The following UBE2E3 variants were observed in gnomAD, a reference collection of about 807,000 sequenced individuals.
UBE2E3 encodes ubiquitin-conjugating enzyme E2 E3.
In UBE2E3, 5 loss-of-function variants were observed where a neutral mutation model predicts 23.6. That is an observed-to-expected ratio of 0.21 (90% CI 0.11 to 0.44). The LOEUF (loss-of-function observed/expected upper bound fraction) is 0.44, where lower values mean the gene tolerates loss of function less well. UBE2E3 is among the 20% of genes least tolerant of loss of function. The pLI, the probability that UBE2E3 is intolerant of heterozygous loss-of-function variation, is 0.99. For missense variants in UBE2E3, 81 were observed against 249.8 expected (o/e 0.32, Z 4.55); for synonymous variants, 78 against 87.5 (o/e 0.89, Z 0.60).
At chr2:181,034,598 G>A (rs10930948) in intron 3 of UBE2E3, among the ~76,000 whole-genome samples, 117,805 of 152,026 alleles carry the variant, frequency 0.77, 45,930 homozygotes, top group East Asian at 0.91. Flanking sequence ...AATGGGTGCA[G>A]CACACCAACA....
At chr2:180,985,843 G>C (rs1684448787) in intron 3 of UBE2E3, among the ~76,000 whole-genome samples, 1 of 152,118 alleles carries the variant, frequency 6.6e-6, no homozygotes, top group South Asian at 2.1e-4. Flanking sequence ...TAATGTACGT[G>C]CATAAATCTA....
chr2:181,006,747 A>G (rs1458714691), intron 3 of UBE2E3, among the ~76,000 whole-genome samples: 2 of 152,172 alleles, frequency 1.3e-5, no homozygotes, highest in Admixed American at 1.3e-4. Context: ...TCCTTTCATC[A>G]TAAAGCAACC....
intron 3 of UBE2E3, among the ~76,000 whole-genome samples, chr2:181,012,062 T>C (rs1327245669): frequency 6.6e-6 from 1 of 152,124 alleles, no homozygotes. Context: ...TGCTCAGTTA[T>C]TAGGTTGGAA....
intron 3 of UBE2E3, among the ~76,000 whole-genome samples, chr2:181,018,012 C>T (rs1285826447): frequency 7.9e-5 from 12 of 151,616 alleles, no homozygotes; most frequent in Admixed American, 7.9e-4. Flanking sequence ...TCTCTTTCTA[C>T]CTAGAAGACC....
chr2:180,987,538 G>T, intron 3 of UBE2E3: 1 of 988,790 alleles, frequency 1.0e-6, no homozygotes, highest in Non-Finnish European at 1.4e-6. Flanking sequence ...ATAGTTTCTT[G>T]ATGTGGGAAA....
At chr2:181,030,794 T>C (rs1255600828) in intron 3 of UBE2E3, among the ~76,000 whole-genome samples, 2 of 152,126 alleles carry the variant, frequency 1.3e-5, no homozygotes, top group Non-Finnish European at 2.9e-5. Flanking sequence ...TTTTAGTAGG[T>C]TGAATTTTTC....
chr2:181,041,536 C>T (rs12473091), intron 3 of UBE2E3, among the ~76,000 whole-genome samples: 125,187 of 151,604 alleles, frequency 0.83, 51,855 homozygotes, highest in East Asian at 0.9. Flanking sequence ...CCTCCCAGGT[C>T]CAAGCAATTC....
At chr2:181,034,971 G>T (rs185933296) in intron 3 of UBE2E3, among the ~76,000 whole-genome samples, 211 of 152,248 alleles carry the variant, frequency 1.4e-3, no homozygotes, top group African/African-American at 4.4e-3. Context: ...AACTATTAGA[G>T]AAAGGGGAAA....
intron 3 of UBE2E3, among the ~76,000 whole-genome samples, chr2:181,000,509 CCT>C (rs1259915449): frequency 6.6e-6 from 1 of 151,918 alleles, no homozygotes; most frequent in Non-Finnish European, 1.5e-5. Context: ...AATGGTATCC[CCT>C]GAGTTGTATA....
intron 3 of UBE2E3, among the ~76,000 whole-genome samples, chr2:181,023,946 C>T (rs1685790449): frequency 6.6e-6 from 1 of 152,042 alleles, no homozygotes; most frequent in Admixed American, 6.6e-5. Flanking sequence ...TTTATTTCTC[C>T]CTACTCCTTA....
chr2:180,984,168 G>T, intron 3 of UBE2E3, 75 bp downstream of exon 3: 1 of 1,321,046 alleles, frequency 7.6e-7, no homozygotes, highest in Non-Finnish European at 1.1e-6. Context: ...GTCTGGATAT[G>T]TGTGCAGCAG....
chr2:181,001,054 G>A (rs544556657), intron 3 of UBE2E3, among the ~76,000 whole-genome samples: 1 of 152,180 alleles, frequency 6.6e-6, no homozygotes, highest in Non-Finnish European at 1.5e-5. Context: ...ATGACACACT[G>A]ACTCTTAAAG....
intron 3 of UBE2E3, 46 bp from the exon 4 acceptor site, chr2:181,057,647 C>G: frequency 2.1e-6 from 3 of 1,462,902 alleles, no homozygotes; most frequent in Non-Finnish European, 2.8e-6. Flanking sequence ...TATTAACATT[C>G]ATTGCTAATA....
chr2:181,031,309 C>T (rs1574201248), intron 3 of UBE2E3, among the ~76,000 whole-genome samples: 1 of 152,062 alleles, frequency 6.6e-6, no homozygotes, highest in South Asian at 2.1e-4. Flanking sequence ...TTCATTTTTT[C>T]CCTCTGGTTG....
At chr2:180,990,383 G>A (rs1188190023) in intron 3 of UBE2E3, among the ~76,000 whole-genome samples, 1 of 152,126 alleles carries the variant, frequency 6.6e-6, no homozygotes, top group Non-Finnish European at 1.5e-5. Flanking sequence ...ATAGATATTT[G>A]TTCCTGTACT....
At chr2:181,002,011 G>A (rs1685004772) in intron 3 of UBE2E3, among the ~76,000 whole-genome samples, 1 of 152,282 alleles carries the variant, frequency 6.6e-6, no homozygotes, top group Non-Finnish European at 1.5e-5. Flanking sequence ...TGCATATGGA[G>A]ATTGAAGGGC....
intron 3 of UBE2E3, among the ~76,000 whole-genome samples, chr2:181,001,972 T>G (rs1194622964): frequency 6.6e-6 from 1 of 152,206 alleles, no homozygotes; most frequent in African/African-American, 2.4e-5. Flanking sequence ...TAATGGAAGT[T>G]TACAAAGAAG....
intron 3 of UBE2E3, among the ~76,000 whole-genome samples, chr2:181,040,630 A>G (rs1424156213): frequency 6.6e-6 from 1 of 152,244 alleles, no homozygotes; most frequent in Non-Finnish European, 1.5e-5. Flanking sequence ...TATACTACAA[A>G]TTATAGGATG....
chr2:181,019,557 G>A (rs1213479018), intron 3 of UBE2E3, among the ~76,000 whole-genome samples: 1 of 152,108 alleles, frequency 6.6e-6, no homozygotes, highest in Admixed American at 6.5e-5. Flanking sequence ...GAAAACTCAG[G>A]AGATGGGAGC....
Sources: gnomAD v4.1 joint callset for allele counts (sites outside exome capture counted in the v4.1 genomes callset) on GRCh38, gnomAD v4.1.1 for gene constraint, MANE v1.5 for transcripts, NCBI Gene and HGNC (gene_info 2026-07-23, HGNC 2026-07-21) for gene names.